THSD4: variants seen among roughly 807,000 people sequenced by gnomAD.
THSD4 encodes the protein thrombospondin type 1 domain containing 4.
THSD4 carries 69 observed loss-of-function variants against 119.0 expected under a neutral mutation model. That is an observed-to-expected ratio of 0.58 (90% CI 0.48 to 0.71). The LOEUF (loss-of-function observed/expected upper bound fraction) is 0.71, where lower values mean the gene tolerates loss of function less well. THSD4 is among the 30% of genes least tolerant of loss of function. The probability of loss-of-function intolerance (pLI) is 0.00; values close to 1 mark genes in which losing one functional copy is unlikely to be tolerated. For synonymous variants in THSD4, 524 were observed against 540.4 expected (o/e 0.97, Z 0.42); for missense variants, 1,393 against 1,391.1 (o/e 1.00, Z -0.02).
intron 7 of THSD4, among the ~76,000 whole-genome samples, chr15:71,436,378 T>C (rs2047013361): frequency 2.0e-5 from 3 of 152,230 alleles, no homozygotes; most frequent in Non-Finnish European, 4.4e-5. Context: ...AGAGCTGCTA[T>C]ACTCAATGCT....
At chr15:71,451,188 A>G (rs536016577) in intron 7 of THSD4, among the ~76,000 whole-genome samples, 1 of 152,274 alleles carries the variant, frequency 6.6e-6, no homozygotes, top group South Asian at 2.1e-4. Context: ...AAAGAAAAAA[A>G]AGGGAGGCTT....
chr15:71,700,723 G>A (rs1481309793), intron 8 of THSD4, among the ~76,000 whole-genome samples: 1 of 151,916 alleles, frequency 6.6e-6, no homozygotes, highest in Non-Finnish European at 1.5e-5. Flanking sequence ...CAAAGAGATG[G>A]TAATGAAATG....
At chr15:71,508,586 AG>A (rs1482754165) in intron 7 of THSD4, among the ~76,000 whole-genome samples, 1 of 152,162 alleles carries the variant, frequency 6.6e-6, no homozygotes, top group Non-Finnish European at 1.5e-5. Flanking sequence ...GTGTTGTGGG[AG>A]GTCATTGAAC....
At chr15:71,616,453 T>C (rs1218548431) in intron 7 of THSD4, among the ~76,000 whole-genome samples, 1 of 152,072 alleles carries the variant, frequency 6.6e-6, no homozygotes, top group Non-Finnish European at 1.5e-5. Flanking sequence ...GGACCAGTAA[T>C]ATAGGGTTCC....
chr15:71,370,957 T>G (rs983907590), intron 6 of THSD4, among the ~76,000 whole-genome samples: 5 of 152,178 alleles, frequency 3.3e-5, no homozygotes, highest in South Asian at 2.1e-4. Flanking sequence ...ATGAATCTGG[T>G]TGCTCCTGTA....
At chr15:71,199,916 GGTGT>G (rs148622409) in intron 3 of THSD4, among the ~76,000 whole-genome samples, 2,414 of 116,004 alleles carry the variant, frequency 0.021, 44 homozygotes, top group African/African-American at 0.036. Flanking sequence ...GCATGTGTGG[GGTGT>G]GTGTGTGTGT....
intron 7 of THSD4, among the ~76,000 whole-genome samples, chr15:71,442,660 G>GTGTATGTATGTATGTGTA: frequency 3.9e-5 from 1 of 25,816 alleles, no homozygotes; most frequent in Non-Finnish European, 9.2e-5. Flanking sequence ...GTGTGTGTGT[G>GTGTATGTATGTATGTGTA]TATATATATA....
chr15:71,742,447 C>T (rs1206277004), intron 11 of THSD4, among the ~76,000 whole-genome samples: 1 of 152,230 alleles, frequency 6.6e-6, no homozygotes, highest in Non-Finnish European at 1.5e-5. Flanking sequence ...GACCTCTACA[C>T]TAGCCCCTGA....
chr15:71,407,056 A>C (rs1173731044), intron 6 of THSD4, among the ~76,000 whole-genome samples: 5 of 152,116 alleles, frequency 3.3e-5, no homozygotes, highest in African/African-American at 7.2e-5. Flanking sequence ...TTTTATTATT[A>C]TAAAATGTAC....
At chr15:71,513,883 C>T (rs981553397) in intron 7 of THSD4, among the ~76,000 whole-genome samples, 1 of 152,170 alleles carries the variant, frequency 6.6e-6, no homozygotes, top group South Asian at 2.1e-4. Context: ...GGATGAGTCT[C>T]AGAAACATTA....
intron 15 of THSD4, among the ~76,000 whole-genome samples, chr15:71,762,083 T>C (rs1441360150): frequency 6.6e-6 from 1 of 152,176 alleles, no homozygotes; most frequent in Non-Finnish European, 1.5e-5. Flanking sequence ...AGATTCCCCA[T>C]AATTTCTGGT....
intron 8 of THSD4, among the ~76,000 whole-genome samples, chr15:71,702,269 C>G (rs2052306503): frequency 6.6e-6 from 1 of 152,132 alleles, no homozygotes; most frequent in Non-Finnish European, 1.5e-5. Flanking sequence ...TGCCATCAAG[C>G]CTCTGAAGCT....
At chr15:71,355,774 C>G (rs2045801919) in intron 6 of THSD4, among the ~76,000 whole-genome samples, 1 of 152,094 alleles carries the variant, frequency 6.6e-6, no homozygotes, top group African/African-American at 2.4e-5. Context: ...ATCAGCAGGA[C>G]CCAGGGTCAG....
chr15:71,464,002 T>C (rs578244857), intron 7 of THSD4, among the ~76,000 whole-genome samples: 1 of 152,350 alleles, frequency 6.6e-6, no homozygotes, highest in Non-Finnish European at 1.5e-5. Flanking sequence ...TATGAATCTA[T>C]AACAGGCTCT....
intron 6 of THSD4, among the ~76,000 whole-genome samples, chr15:71,303,754 A>G (rs16955420): frequency 0.011 from 1,618 of 152,262 alleles, 33 homozygotes; most frequent in African/African-American, 0.036. Flanking sequence ...GCGCTGGATT[A>G]GTCATAGCCT....
At chr15:71,653,534 A>G (rs2051132645) in intron 7 of THSD4, among the ~76,000 whole-genome samples, 1 of 152,304 alleles carries the variant, frequency 6.6e-6, no homozygotes, top group Non-Finnish European at 1.5e-5. Context: ...GCTGCTAAAC[A>G]TCCTACAATG....
intron 7 of THSD4, among the ~76,000 whole-genome samples, chr15:71,592,590 C>A (rs1313661937): frequency 6.6e-6 from 1 of 151,898 alleles, no homozygotes; most frequent in Non-Finnish European, 1.5e-5. Flanking sequence ...GTTCCCAGAC[C>A]TGTCTATAAA....
intron 6 of THSD4, among the ~76,000 whole-genome samples, chr15:71,281,775 C>T (rs7182011): frequency 0.72 from 109,890 of 152,136 alleles, 40,226 homozygotes; most frequent in East Asian, 0.85. Flanking sequence ...ATATGAAAGG[C>T]ACTTGTTCAG....
intron 6 of THSD4, among the ~76,000 whole-genome samples, chr15:71,395,600 G>A (rs1020562068): frequency 2.0e-5 from 3 of 152,014 alleles, no homozygotes; most frequent in African/African-American, 4.8e-5. Context: ...AATTAGCTGG[G>A]CATGATGGTG....
Sources: gnomAD v4.1 joint callset for allele counts (sites outside exome capture counted in the v4.1 genomes callset) on GRCh38, gnomAD v4.1.1 for gene constraint, MANE v1.5 for transcripts, NCBI Gene and HGNC (gene_info 2026-07-23, HGNC 2026-07-21) for gene names.